The following ACAD10 variants were observed in gnomAD, a reference collection of about 807,000 sequenced individuals.
ACAD10 encodes the protein ACAD-10.
Under a neutral mutation model 116.8 loss-of-function variants are expected in ACAD10, and 112 were observed. That is an observed-to-expected ratio of 0.96 (90% CI 0.82 to 1.12). The LOEUF (loss-of-function observed/expected upper bound fraction) is 1.12, where lower values mean the gene tolerates loss of function less well. Among genes scored for constraint, ACAD10 ranks in the 50% most tolerant of loss-of-function variants. The probability of loss-of-function intolerance (pLI) is 0.00; values close to 1 mark genes in which losing one functional copy is unlikely to be tolerated. For synonymous variants in ACAD10, 486 were observed against 510.6 expected, an observed-to-expected ratio of 0.95 and a Z score of 0.65; for missense variants, 1,259 against 1,350.2, an observed-to-expected ratio of 0.93 and a Z score of 1.06.
chr12:111,755,722 C>T lies in ACAD10; in HGVS notation c.3016C>T (p.Arg1006Ter), dbSNP rs115809570. The T allele has an allele frequency of 2.7e-4, 442 of 1,613,864 alleles. No homozygotes were observed. In the African/African-American group the frequency reaches 5.0e-3, roughly 18 times the overall value. ...AATGGTCGCCCCGTCCATGGCCTCC[C>T]GAGTGATTGATCGTGCGATTCAGGT... ...IKMVAPSMAS[R>*]VIDRAIQAFG... The change falls in exon 20 of 21, where the codon CGA becomes TGA. Residue 1006 changes from arginine to a stop codon, truncating the protein, a stop_gained. Transcript: ENST00000313698. LOFTEE classifies it high-confidence loss of function.
intron 7 of ACAD10, among the ~76,000 whole-genome samples, chr12:111,717,115 G>T (rs998986152): frequency 6.6e-6 from 1 of 152,040 alleles, no homozygotes; most frequent in Non-Finnish European, 1.5e-5. Context: ...AAGCCTTAAA[G>T]AAACCAAGGC....
chr12:111,699,642 G>C (rs561019354), intron 2 of ACAD10, among the ~76,000 whole-genome samples: 1 of 152,224 alleles, frequency 6.6e-6, no homozygotes, highest in South Asian at 2.1e-4. Flanking sequence ...TAGACATGGT[G>C]GATGTGATGG....
intron 4 of ACAD10, among the ~76,000 whole-genome samples, chr12:111,707,241 AC>A (rs764500195): frequency 5.3e-5 from 8 of 151,658 alleles, no homozygotes; most frequent in Non-Finnish European, 8.8e-5. Context: ...GGTGCATGCC[AC>A]CACGCCTGGC....
At chr12:111,688,038 G>C (rs992541390) in intron 1 of ACAD10, 3 of 151,868 alleles carry the variant, frequency 2.0e-5, no homozygotes, top group African/African-American at 7.3e-5. Context: ...GCTGATTTTT[G>C]TATTTTTTTT....
chr12:111,688,667 T>C (rs1455531075), intron 1 of ACAD10, among the ~76,000 whole-genome samples: 1 of 151,892 alleles, frequency 6.6e-6, no homozygotes, highest in Non-Finnish European at 1.5e-5. Flanking sequence ...TAGCTGGATG[T>C]GGTGGCGAGC....
At chr12:111,714,287 A>G (rs1440655800) in intron 6 of ACAD10, among the ~76,000 whole-genome samples, 1 of 151,910 alleles carries the variant, frequency 6.6e-6, no homozygotes, top group African/African-American at 2.4e-5. Context: ...AACGCAACAA[A>G]TTGTCTCCAT....
chr12:111,751,470 C>T (rs988628334), intron 18 of ACAD10, among the ~76,000 whole-genome samples: 1 of 152,190 alleles, frequency 6.6e-6, no homozygotes, highest in Non-Finnish European at 1.5e-5. Context: ...GTGGCTAACG[C>T]CTGTAATCTC....
chr12:111,724,759 G>A lies in ACAD10; in HGVS notation c.1061+3020G>A, dbSNP rs531271322. Among the ~76,000 whole-genome samples, 77 of 151,966 alleles carry A rather than the reference G, an allele frequency of 5.1e-4. 4 individuals are homozygous for A. The highest frequency in any genetic ancestry group is 4.7e-3 in the Admixed American group (72 of 15,244). ...GATGGCAGCAGTACAGTCCAGCTTC[G>A]GCTCGGCATGAGAGGGAGACCGTGG... On this transcript the variant is annotated intron_variant, in intron 8 of 20. Transcript: ENST00000313698.
At chr12:111,692,981 T>G in intron 2 of ACAD10, 85 bp downstream of exon 2, 1 of 1,484,390 alleles carries the variant, frequency 6.7e-7, no homozygotes, top group Non-Finnish European at 9.2e-7. Context: ...AGGGGAACAC[T>G]TGGGCAGCAG....
chr12:111,727,731 G>A (rs762626166), intron 8 of ACAD10, among the ~76,000 whole-genome samples: 1 of 152,064 alleles, frequency 6.6e-6, no homozygotes, highest in Non-Finnish European at 1.5e-5. Context: ...GTGCACGTGT[G>A]TATGTATATG....
chr12:111,714,106 A>C (rs1246557575), intron 6 of ACAD10, among the ~76,000 whole-genome samples: 1 of 149,418 alleles, frequency 6.7e-6, no homozygotes, highest in Non-Finnish European at 1.5e-5. Flanking sequence ...TTAGCCGGGC[A>C]TGGTGGCACA....
intron 5 of ACAD10, 119 bp from the exon 6 acceptor site, chr12:111,712,379 A>G (rs563031118): frequency 3.2e-6 from 3 of 923,830 alleles, no homozygotes; most frequent in South Asian, 3.5e-5. Flanking sequence ...CTGCACCTGT[A>G]CTACCATGAA....
intron 1 of ACAD10, among the ~76,000 whole-genome samples, chr12:111,687,013 C>T (rs1413649129): frequency 6.6e-6 from 1 of 152,172 alleles, no homozygotes; most frequent in African/African-American, 2.4e-5. Flanking sequence ...ATGGAGATAA[C>T]ATTAGCTTTT....
intron 12 of ACAD10, among the ~76,000 whole-genome samples, chr12:111,738,009 T>C (rs1889622635): frequency 6.6e-6 from 1 of 151,966 alleles, no homozygotes; most frequent in Non-Finnish European, 1.5e-5. Flanking sequence ...CATACCACCA[T>C]ACCCGCGTCA....
At chr12:111,693,658 A>G (rs1888117052) in intron 2 of ACAD10, among the ~76,000 whole-genome samples, 1 of 151,346 alleles carries the variant, frequency 6.6e-6, no homozygotes, top group Non-Finnish European at 1.5e-5. Context: ...CTTCTACCCC[A>G]CTCCCTCTAA....
chr12:111,733,898 C>T, intron 10 of ACAD10, 25 bp from the exon 11 acceptor site: 1 of 1,613,934 alleles, frequency 6.2e-7, no homozygotes, highest in East Asian at 2.2e-5. Context: ...TTAGTGCTGT[C>T]TCTATTCCTC....
rs564107723 is a variant in ACAD10, at chr12:111,750,691, G to A, written c.2817+1346G>A. Among the ~76,000 whole-genome samples, 6 of 152,208 alleles carry A rather than the reference G, an allele frequency of 3.9e-5. No individual in the cohort carries two copies. In the South Asian group the frequency reaches 1.2e-3, roughly 32 times the overall value. On this transcript the variant is annotated intron_variant, in intron 18 of 20. Transcript: ENST00000313698. ...CTGGCCTGTACCACCCTCCTCCACA[G>A]CACATCCAGAAAACTTTATTCGGCC...
At chr12:111,756,253 C>A (rs1593061146) in intron 20 of ACAD10, 80 bp from the exon 21 acceptor site, 1 of 1,489,108 alleles carries the variant, frequency 6.7e-7, no homozygotes, top group Non-Finnish European at 8.8e-7. Flanking sequence ...TATGGGCCAT[C>A]AAGAGCAGGC....
intron 11 of ACAD10, among the ~76,000 whole-genome samples, chr12:111,736,185 G>GTTTTTT (rs35268951): frequency 2.0e-5 from 2 of 97,758 alleles, no homozygotes; most frequent in East Asian, 3.1e-4. Flanking sequence ...CCAGCCAATT[G>GTTTTTT]TTTTTTTTTT....
Sources: gnomAD v4.1 joint callset for allele counts (sites outside exome capture counted in the v4.1 genomes callset) on GRCh38, gnomAD v4.1.1 for gene constraint, MANE v1.5 for transcripts, NCBI Gene and HGNC (gene_info 2026-07-23, HGNC 2026-07-21) for gene names.